Variants in ST8SIA6 observed in about 807,000 individuals in gnomAD.
ST8SIA6 encodes ST8 alpha-N-acetyl-neuraminide alpha-2,8-sialyltransferase 6.
A neutral mutation model predicts 33.6 loss-of-function variants in ST8SIA6; 39 were observed. The ratio of observed to expected loss-of-function variants is 1.16; its 90% CI spans 0.90 to 1.52. The LOEUF (loss-of-function observed/expected upper bound fraction) is 1.52, where lower values mean the gene tolerates loss of function less well. Ranked by LOEUF, ST8SIA6 falls within the 40% of genes most tolerant of loss-of-function variation. ST8SIA6 has a pLI of 0.00. For synonymous variants in ST8SIA6, 172 were observed against 167.2 expected (o/e 1.03, Z -0.22); for missense variants, 441 against 443.8 (o/e 0.99, Z 0.06).
chr10:17,365,148 G>T (rs729170), intron 3 of ST8SIA6, among the ~76,000 whole-genome samples: 18,727 of 152,020 alleles, frequency 0.12, 1,270 homozygotes, highest in South Asian at 0.19. Context: ...ATGTTCAAAA[G>T]AATAATGTCT....
chr10:17,372,895 A>G (rs2131634179), intron 3 of ST8SIA6, among the ~76,000 whole-genome samples: 1 of 152,328 alleles, frequency 6.6e-6, no homozygotes, highest in South Asian at 2.1e-4. Flanking sequence ...GGACTATAGA[A>G]GTGTATAAAT....
intron 2 of ST8SIA6, among the ~76,000 whole-genome samples, chr10:17,391,058 A>G (rs976891477): frequency 5.3e-5 from 8 of 151,916 alleles, no homozygotes; most frequent in African/African-American, 2.4e-5. Flanking sequence ...GGGTTTCTCC[A>G]TGTTGGTCCG....
At chr10:17,352,057 A>G (rs76163444) in intron 4 of ST8SIA6, among the ~76,000 whole-genome samples, 1 of 151,880 alleles carries the variant, frequency 6.6e-6, no homozygotes, top group African/African-American at 2.4e-5. Context: ...AAAAAAAAAA[A>G]TGTTAAGCAT....
chr10:17,326,947 A>C, intron 6 of ST8SIA6, 67 bp downstream of exon 6: 6 of 1,120,062 alleles, frequency 5.4e-6, no homozygotes, highest in Non-Finnish European at 6.4e-6. Context: ...GGATATCTTT[A>C]CACTATCCCC....
intron 3 of ST8SIA6, among the ~76,000 whole-genome samples, chr10:17,363,736 C>T (rs1024895027): frequency 1.8e-4 from 28 of 152,190 alleles, no homozygotes; most frequent in African/African-American, 6.8e-4. Flanking sequence ...ATTTACACCA[C>T]AGGAATTGGC....
At chr10:17,333,704 TATA>T (rs1848392674) in intron 4 of ST8SIA6, among the ~76,000 whole-genome samples, 1 of 30,086 alleles carries the variant, frequency 3.3e-5, no homozygotes, top group African/African-American at 1.5e-4. Flanking sequence ...TATATATATA[TATA>T]TATATATATA....
intron 4 of ST8SIA6, among the ~76,000 whole-genome samples, chr10:17,353,382 G>T (rs907906233): frequency 6.6e-6 from 1 of 152,054 alleles, no homozygotes; most frequent in African/African-American, 2.4e-5. Context: ...TCATTAAATG[G>T]TATGGTTTGA....
At chr10:17,430,248 T>C (rs1361789632) in intron 2 of ST8SIA6, among the ~76,000 whole-genome samples, 1 of 152,244 alleles carries the variant, frequency 6.6e-6, no homozygotes, top group South Asian at 2.1e-4. Flanking sequence ...TTCTTATGGC[T>C]GGGTAGTATT....
At chr10:17,427,756 C>A (rs957388060) in intron 2 of ST8SIA6, among the ~76,000 whole-genome samples, 1 of 152,248 alleles carries the variant, frequency 6.6e-6, no homozygotes, top group African/African-American at 2.4e-5. Context: ...ATATTGAGAA[C>A]TGAAGTCAGA....
chr10:17,396,165 C>T (rs565027644), intron 2 of ST8SIA6, among the ~76,000 whole-genome samples: 10 of 152,210 alleles, frequency 6.6e-5, no homozygotes, highest in African/African-American at 2.4e-5. Context: ...TTTTTCTGCC[C>T]ACTTGTAGCA....
intron 3 of ST8SIA6, among the ~76,000 whole-genome samples, chr10:17,375,090 C>A (rs994382896): frequency 1.3e-5 from 2 of 151,912 alleles, no homozygotes; most frequent in African/African-American, 4.8e-5. Flanking sequence ...GTGTGAGCCA[C>A]CATGCCCAGC....
chr10:17,343,597 A>G (rs1848741796), intron 4 of ST8SIA6, among the ~76,000 whole-genome samples: 1 of 152,194 alleles, frequency 6.6e-6, no homozygotes, highest in Non-Finnish European at 1.5e-5. Flanking sequence ...AGGAAAGAAA[A>G]GTAATGGGCA....
intron 2 of ST8SIA6, among the ~76,000 whole-genome samples, chr10:17,434,374 A>C (rs1257677672): frequency 6.6e-6 from 1 of 152,204 alleles, no homozygotes; most frequent in Non-Finnish European, 1.5e-5. Context: ...TACCACCTGC[A>C]TATTCACCCT....
intron 4 of ST8SIA6, among the ~76,000 whole-genome samples, chr10:17,338,432 A>AC (rs760270746): frequency 7.9e-5 from 12 of 152,348 alleles, no homozygotes; most frequent in Non-Finnish European, 1.8e-4. Flanking sequence ...TTGTGTTTTG[A>AC]CATCCACTTT....
intron 3 of ST8SIA6, among the ~76,000 whole-genome samples, chr10:17,382,898 C>T (rs988501593): frequency 9.2e-5 from 14 of 152,150 alleles, no homozygotes; most frequent in African/African-American, 2.2e-4. Context: ...AACTAGTATA[C>T]GGATCCCTGT....
At chr10:17,389,277 CTT>C (rs1248256846) in intron 3 of ST8SIA6, among the ~76,000 whole-genome samples, 20 of 152,340 alleles carry the variant, frequency 1.3e-4, no homozygotes, top group South Asian at 1.0e-3. Context: ...GTGAATTACT[CTT>C]TCTCCATTGC....
chr10:17,321,417 G>T (rs771384043), intron 7 of ST8SIA6, 71 bp from the exon 8 acceptor site: 3 of 1,270,504 alleles, frequency 2.4e-6, no homozygotes, highest in Admixed American at 2.7e-5. Context: ...ATAACATAAA[G>T]CTGAATTTAC....
At chr10:17,324,405 T>A (rs1848056451) in intron 6 of ST8SIA6, among the ~76,000 whole-genome samples, 1 of 152,016 alleles carries the variant, frequency 6.6e-6, no homozygotes, top group African/African-American at 2.4e-5. Context: ...CAATAATACA[T>A]ATTCAATGAT....
intron 4 of ST8SIA6, among the ~76,000 whole-genome samples, chr10:17,347,202 C>T (rs1848866804): frequency 6.6e-6 from 1 of 152,180 alleles, no homozygotes; most frequent in Admixed American, 6.5e-5. Context: ...TATAGCCTAG[C>T]CAAGTAGACA....
Sources: gnomAD v4.1 joint callset for allele counts (sites outside exome capture counted in the v4.1 genomes callset) on GRCh38, gnomAD v4.1.1 for gene constraint, MANE v1.5 for transcripts, NCBI Gene and HGNC (gene_info 2026-07-23, HGNC 2026-07-21) for gene names.